The following HEATR4 variants were observed in gnomAD, a reference collection of about 807,000 sequenced individuals.
HEATR4 encodes HEAT repeat containing 4.
HEATR4 carries 95 observed loss-of-function variants against 108.8 expected under a neutral mutation model. That is an observed-to-expected ratio of 0.87 (90% CI 0.74 to 1.04). The LOEUF (loss-of-function observed/expected upper bound fraction) is 1.04. Among genes scored for constraint, HEATR4 ranks in the 50% least tolerant of loss-of-function variants. The pLI is 0.00. For synonymous variants in HEATR4, 443 were observed against 459.4 expected (o/e 0.96, Z 0.46); for missense variants, 1,152 against 1,253.8 (o/e 0.92, Z 1.23).
chr14:73,566,600 G>T, the HEATR4 span, among the ~76,000 whole-genome samples: 4 of 152,204 alleles, frequency 2.6e-5, no homozygotes, highest in Admixed American at 2.0e-4. Context: ...CATTGCCCGG[G>T]GCTGGCAGGG....
chr14:73,499,027 AG>A, intron 13 of HEATR4, 43 bp downstream of exon 13: 1 of 1,527,070 alleles, frequency 6.5e-7, no homozygotes, highest in Non-Finnish European at 9.1e-7. Flanking sequence ...GCATAGGCAA[AG>A]GTATTTAAGG....
At chr14:73,491,056 C>T (rs764516535) in intron 17 of HEATR4, 5 of 1,589,866 alleles carry the variant, frequency 3.1e-6, no homozygotes, top group Non-Finnish European at 3.4e-6. Context: ...CGTTGAGGCG[C>T]GGGCGGCCGA....
chr14:73,501,572 T>C (rs1379169646), intron 11 of HEATR4, among the ~76,000 whole-genome samples: 4 of 129,898 alleles, frequency 3.1e-5, no homozygotes, highest in East Asian at 4.1e-4. Context: ...TCTCTCTCTT[T>C]TTTTTTTTTT....
chr14:73,569,455 C>CG, the HEATR4 span: 1 of 1,613,564 alleles, frequency 6.2e-7, no homozygotes, highest in Non-Finnish European at 8.5e-7. Flanking sequence ...CTGGAGCCTG[C>CG]GGGCCGCTGC....
the HEATR4 span, chr14:73,592,512 G>A: frequency 7.4e-7 from 1 of 1,351,958 alleles, no homozygotes; most frequent in Non-Finnish European, 9.7e-7. Context: ...TTTGGAGCAA[G>A]ATCAGAGAAG....
chr14:73,589,853 G>C, the HEATR4 span, among the ~76,000 whole-genome samples: 1 of 152,002 alleles, frequency 6.6e-6, no homozygotes, highest in African/African-American at 2.4e-5. Context: ...TGGTGGGTTC[G>C]TGGTCTTGCT....
intron 15 of HEATR4, 70 bp from the exon 16 acceptor site, chr14:73,495,457 A>C: frequency 7.7e-7 from 1 of 1,304,254 alleles, no homozygotes; most frequent in Non-Finnish European, 1.1e-6. Context: ...TTATCAAAAA[A>C]CATTAATAAA....
chr14:73,612,950 C>G, the HEATR4 span: 1 of 1,267,912 alleles, frequency 7.9e-7, no homozygotes, highest in Non-Finnish European at 1.0e-6. Context: ...GCAGAACAAG[C>G]GCGACTTTCT....
rs1224347786 is a variant in HEATR4 at position 73,553,161 on chromosome 14, T to C, written c.-152+5590A>G. Among the ~76,000 whole-genome samples the C allele has an allele frequency of 2.6e-5, 3 of 114,050 alleles. 1 individual carries two copies. Among genetic ancestry groups the C allele is most frequent in the Non-Finnish European group, 5.8e-5 (3 of 51,790 alleles). The allele number at this position is 114,050 out of a possible 152,430, so 74.8% of individuals were successfully genotyped here. ...CTCCTGCTCAGGACACTTTCTGGGG[T>C]CCTGTGCCTCCCCTTCTTCTCCCCC... On this transcript the variant is annotated intron_variant, in intron 1 of 17. Transcript: ENST00000553558.
rs1159089752 is a variant in HEATR4, at chr14:73,555,977, C to T, written c.-152+2774G>A. Among the ~76,000 whole-genome samples the T allele has an allele frequency of 1.8e-5, 2 of 112,250 alleles. 1 individual carries two copies. The highest frequency in any genetic ancestry group is 5.7e-5 in the African/African-American group (2 of 34,784). 73.6% of individuals were successfully genotyped at this position (112,250 alleles called of 152,430 possible). ...CCGAGATCGTGCCACCGCACTCCAG[C>T]CTGGATAACAAGAGCAAAACTCTAT... On this transcript the variant is annotated intron_variant, in intron 1 of 17. Transcript: ENST00000553558.
chr14:73,569,380 C>A, the HEATR4 span: 1 of 1,613,988 alleles, frequency 6.2e-7, no homozygotes. Flanking sequence ...TTCCTGGGGT[C>A]TCCACAGCTG....
At chr14:73,602,166 C>T in the HEATR4 span, among the ~76,000 whole-genome samples, 1 of 152,126 alleles carries the variant, frequency 6.6e-6, no homozygotes, top group Non-Finnish European at 1.5e-5. Flanking sequence ...GTCTTGAACT[C>T]CTGACCTTGT....
chr14:73,630,898 G>T, the HEATR4 span, among the ~76,000 whole-genome samples: 1 of 152,092 alleles, frequency 6.6e-6, no homozygotes, highest in Admixed American at 6.6e-5. Context: ...TCATTTTGGG[G>T]TATTGTTCTC....
the HEATR4 span, among the ~76,000 whole-genome samples, chr14:73,620,859 C>A: frequency 6.6e-6 from 1 of 151,184 alleles, no homozygotes; most frequent in Non-Finnish European, 1.5e-5. Flanking sequence ...TGAGCCACCA[C>A]GCCTGGCTCT....
chr14:73,551,878 A>G (rs1175239709), intron 1 of HEATR4, among the ~76,000 whole-genome samples: 3 of 111,770 alleles, frequency 2.7e-5, no homozygotes, highest in African/African-American at 8.7e-5. Context: ...GGAAAAGGGA[A>G]GAAAGCCTCA....
At chr14:73,523,416 G>A (rs565338205) in intron 2 of HEATR4, among the ~76,000 whole-genome samples, 192 bp from the exon 3 acceptor site, 1 of 152,312 alleles carries the variant, frequency 6.6e-6, no homozygotes, top group East Asian at 1.9e-4. Flanking sequence ...CGTGTTTTTG[G>A]TTCTTATACT....
chr14:73,571,985 C>T, the HEATR4 span, among the ~76,000 whole-genome samples: 1 of 151,116 alleles, frequency 6.6e-6, no homozygotes, highest in Non-Finnish European at 1.5e-5. Flanking sequence ...ACATTTCACA[C>T]CCTCAGAAGT....
chr14:73,590,083 C>G, the HEATR4 span, among the ~76,000 whole-genome samples: 1 of 152,282 alleles, frequency 6.6e-6, no homozygotes, highest in East Asian at 1.9e-4. Flanking sequence ...CTTCCCGCAA[C>G]GTAGAAAAGA....
At chr14:73,573,925 CA>C in the HEATR4 span, among the ~76,000 whole-genome samples, 1 of 152,170 alleles carries the variant, frequency 6.6e-6, no homozygotes, top group East Asian at 1.9e-4. Context: ...CGGGGTTTCA[CA>C]ATATTGGTCA....
Sources: gnomAD v4.1 joint callset for allele counts (sites outside exome capture counted in the v4.1 genomes callset) on GRCh38, gnomAD v4.1.1 for gene constraint, MANE v1.5 for transcripts, NCBI Gene and HGNC (gene_info 2026-07-23, HGNC 2026-07-21) for gene names.